Variants in BCAT1 observed in about 807,000 individuals in gnomAD.
BCAT1 encodes branched chain amino acid transaminase 1, also known as branched-chain-amino-acid aminotransferase, cytosolic.
In BCAT1, 48 loss-of-function variants were observed where a neutral mutation model predicts 52.4. The ratio of observed to expected loss-of-function variants is 0.92; its 90% CI spans 0.73 to 1.16. BCAT1 has a LOEUF of 1.16. Ranked by LOEUF, BCAT1 falls within the 50% of genes most tolerant of loss-of-function variation. BCAT1 has a pLI of 0.00. For synonymous variants in BCAT1, 167 were observed against 161.3 expected, an observed-to-expected ratio of 1.04 and a Z score of -0.27; for missense variants, 451 against 457.1, an observed-to-expected ratio of 0.99 and a Z score of 0.12.
chr12:24,821,291 G>T (rs1385828216), intron 10 of BCAT1, among the ~76,000 whole-genome samples: 1 of 152,170 alleles, frequency 6.6e-6, no homozygotes, highest in Non-Finnish European at 1.5e-5. Context: ...AATCAATACA[G>T]ATCCTGCTCC....
At chr12:24,929,945 A>G (rs1943653961) in intron 1 of BCAT1, among the ~76,000 whole-genome samples, 1 of 152,214 alleles carries the variant, frequency 6.6e-6, no homozygotes, top group Non-Finnish European at 1.5e-5. Flanking sequence ...GGGTAAAGAA[A>G]GTTTTCTCTC....
At chr12:24,828,985 T>G (rs1446155686) in intron 10 of BCAT1, among the ~76,000 whole-genome samples, 1 of 150,462 alleles carries the variant, frequency 6.6e-6, no homozygotes, top group Non-Finnish European at 1.5e-5. Context: ...CCAGCCTGGG[T>G]GACACAGCGA....
chr12:24,875,738 A>G (rs1235734662), intron 5 of BCAT1, among the ~76,000 whole-genome samples: 1 of 152,184 alleles, frequency 6.6e-6, no homozygotes, highest in African/African-American at 2.4e-5. Flanking sequence ...ATTCCCTAAT[A>G]GTGAGAATGA....
Position 24,810,159 on chromosome 12 carries a change from A to G in BCAT1, c.*7849T>C, listed in dbSNP as rs373804123. The G allele has an allele frequency of 1.1e-3, 173 of 152,298 alleles. No individual in the cohort carries two copies. Among genetic ancestry groups the G allele is most frequent in the African/African-American group, 4.0e-3 (168 of 41,548 alleles). The allele number at this position is 152,298 out of a possible 1,614,324, so 9.4% of individuals were successfully genotyped here. A position where few individuals can be genotyped will look rare whatever the true frequency, so the allele number is the denominator to read the frequency against. On this transcript the variant is annotated 3_prime_UTR_variant, in exon 11 of 11. Coordinates refer to ENST00000261192, the MANE Select transcript of BCAT1 (RefSeq NM_005504.7). Reference sequence around the variant, plus strand: ...CGCGATTGCATACAGACATAGCTAGAGAACAAGCCCAGTGATTATTCTACA... The same window carrying G: ...CGCGATTGCATACAGACATAGCTAGGGAACAAGCCCAGTGATTATTCTACA...
chr12:24,926,816 ACTGCGGAAGGCCG>A (rs1190762842), intron 1 of BCAT1, among the ~76,000 whole-genome samples: 148 of 152,330 alleles, frequency 9.7e-4, no homozygotes, highest in African/African-American at 3.4e-3. Context: ...GGACACAAAC[ACTGCGGAAGGCCG>A]CAGGGTCCTC....
chr12:24,877,745 G>A (rs1942387607), intron 5 of BCAT1, among the ~76,000 whole-genome samples: 1 of 152,176 alleles, frequency 6.6e-6, no homozygotes, highest in Admixed American at 6.5e-5. Context: ...GGGAGGCACT[G>A]CACTTGTAAA....
intron 1 of BCAT1, among the ~76,000 whole-genome samples, chr12:24,942,585 C>T (rs1943866056): frequency 6.6e-6 from 1 of 150,978 alleles, no homozygotes; most frequent in Non-Finnish European, 1.5e-5. Flanking sequence ...GCCAAATATA[C>T]ACCCTTGTTA....
At chr12:24,898,037 A>G (rs1298954715) in intron 2 of BCAT1, among the ~76,000 whole-genome samples, 1 of 152,208 alleles carries the variant, frequency 6.6e-6, no homozygotes, top group African/African-American at 2.4e-5. Flanking sequence ...ATAAAGTTCA[A>G]ACGTAAACAA....
At chr12:24,835,003 T>A (rs748044456) in intron 8 of BCAT1, among the ~76,000 whole-genome samples, 4 of 152,198 alleles carry the variant, frequency 2.6e-5, no homozygotes, top group Non-Finnish European at 5.9e-5. Context: ...AAGAAAAAAT[T>A]TCCTCCATAA....
At chr12:24,882,329 T>C (rs1168021605) in intron 3 of BCAT1, among the ~76,000 whole-genome samples, 2 of 152,014 alleles carry the variant, frequency 1.3e-5, no homozygotes, top group African/African-American at 4.8e-5. Flanking sequence ...GAAAATAAGT[T>C]AAACTGAACG....
At chr12:24,926,579 G>T (rs534601041) in intron 1 of BCAT1, among the ~76,000 whole-genome samples, 5 of 152,240 alleles carry the variant, frequency 3.3e-5, no homozygotes, top group Non-Finnish European at 7.4e-5. Context: ...GTAGAAAGAA[G>T]TAGACATAGG....
At chr12:24,911,935 G>A (rs1390340336) in intron 1 of BCAT1, among the ~76,000 whole-genome samples, 2 of 152,170 alleles carry the variant, frequency 1.3e-5, no homozygotes, top group Non-Finnish European at 1.5e-5. Context: ...CTTAACTTCT[G>A]AAAGGAGAAA....
At chr12:24,902,085 C>A (rs1943120585) in intron 1 of BCAT1, 200 bp from the exon 2 acceptor site, 1 of 1,487,418 alleles carries the variant, frequency 6.7e-7, no homozygotes, top group Non-Finnish European at 8.9e-7. Context: ...GCACTTCCCA[C>A]CCTGCCGGGG....
chr12:24,857,048 T>G (rs1351379980), intron 5 of BCAT1, among the ~76,000 whole-genome samples: 1 of 152,162 alleles, frequency 6.6e-6, no homozygotes, highest in Admixed American at 6.5e-5. Flanking sequence ...CTAGGCTCCT[T>G]CTCGGAGGAG....
intron 5 of BCAT1, 99 bp downstream of exon 5, chr12:24,878,431 T>G: frequency 1.8e-6 from 2 of 1,122,548 alleles, no homozygotes; most frequent in South Asian, 2.2e-5. Context: ...ATGATGCTAC[T>G]GGGGGGCTAC....
chr12:24,831,600 G>A (rs968932633), intron 9 of BCAT1, among the ~76,000 whole-genome samples: 1 of 152,192 alleles, frequency 6.6e-6, no homozygotes, highest in African/African-American at 2.4e-5. Flanking sequence ...AGTGAGCCGA[G>A]ATTGTGCCCC....
intron 6 of BCAT1, among the ~76,000 whole-genome samples, chr12:24,843,882 A>T (rs1366154485): frequency 2.0e-5 from 3 of 152,130 alleles, no homozygotes; most frequent in Non-Finnish European, 2.9e-5. Flanking sequence ...CCTGAAATAC[A>T]GGCATTTTCT....
intron 10 of BCAT1, among the ~76,000 whole-genome samples, chr12:24,821,224 G>A (rs1489625399): frequency 6.6e-6 from 1 of 152,188 alleles, no homozygotes; most frequent in African/African-American, 2.4e-5. Context: ...ATTTGTCCTT[G>A]AAAACTGTAG....
intron 1 of BCAT1, among the ~76,000 whole-genome samples, chr12:24,937,298 G>A (rs1176025979): frequency 6.6e-6 from 1 of 152,154 alleles, no homozygotes; most frequent in African/African-American, 2.4e-5. Flanking sequence ...TCCAGGCAGA[G>A]GCATCAGCAA....
Sources: gnomAD v4.1 joint callset for allele counts (sites outside exome capture counted in the v4.1 genomes callset) on GRCh38, gnomAD v4.1.1 for gene constraint, MANE v1.5 for transcripts, NCBI Gene and HGNC (gene_info 2026-07-23, HGNC 2026-07-21) for gene names.